The following RAF1 variants were observed in gnomAD, a reference collection of about 807,000 sequenced individuals.
RAF1 encodes the protein Raf-1 proto-oncogene, serine/threonine kinase, also known as RAF proto-oncogene serine/threonine-protein kinase.
Under a neutral mutation model 81.1 loss-of-function variants are expected in RAF1, and 27 were observed. The ratio of observed to expected loss-of-function variants is 0.33; its 90% CI spans 0.25 to 0.46. The LOEUF (loss-of-function observed/expected upper bound fraction) is 0.46. Ranked by LOEUF, RAF1 falls within the 20% of genes least tolerant of loss-of-function variation. RAF1 has a pLI of 1.00. For synonymous variants in RAF1, 298 were observed against 294.0 expected (o/e 1.01, Z -0.14); for missense variants, 598 against 826.0 (o/e 0.72, Z 3.38).
intron 13 of RAF1, chr3:12,588,567 T>C (rs774927643): frequency 1.1e-4 from 16 of 152,168 alleles, no homozygotes; most frequent in Non-Finnish European, 1.8e-4. Flanking sequence ...TAGCCAAACA[T>C]AGAAAAGGCA....
intron 1 of RAF1, among the ~76,000 whole-genome samples, chr3:12,619,596 C>T (rs1428580737): frequency 6.8e-6 from 1 of 146,136 alleles, no homozygotes; most frequent in Non-Finnish European, 1.5e-5. Flanking sequence ...CAACTTGGAA[C>T]ATGAGCCCAG....
In RAF1 at chr3:12,608,763, T is replaced by C. The variant is rs2059116991; in HGVS notation, c.581+3A>G. The C allele has an allele frequency of 6.2e-7, 1 of 1,613,760 alleles. No individual in the cohort carries two copies. Among genetic ancestry groups the C allele is most frequent in the Non-Finnish European group, 8.5e-7 (1 of 1,179,740 alleles). On this transcript the variant is annotated splice_donor_region_variant and intron_variant, in intron 5 of 17. Transcript: ENST00000442415. Reference sequence around the variant, plus strand: ...TTCCTTGGATAAAAGAACAATGCCTTACAAGAGTTGTCTGATGTTACTCCA... The same window carrying C: ...TTCCTTGGATAAAAGAACAATGCCTCACAAGAGTTGTCTGATGTTACTCCA...
intron 2 of RAF1, among the ~76,000 whole-genome samples, chr3:12,612,405 T>A (rs979712852): frequency 7.2e-5 from 11 of 152,030 alleles, no homozygotes; most frequent in Admixed American, 2.0e-4. Context: ...TCTCAGCACT[T>A]TGGGAAGCCG....
At chr3:12,661,304 A>T in intron 1 of RAF1, among the ~76,000 whole-genome samples, 1 of 152,368 alleles carries the variant, frequency 6.6e-6, no homozygotes, top group East Asian at 1.9e-4. Flanking sequence ...TAAATAGTTT[A>T]TAAAATACAC....
intron 1 of RAF1, among the ~76,000 whole-genome samples, chr3:12,663,582 C>T (rs1226172874): frequency 1.3e-5 from 2 of 152,358 alleles, no homozygotes; most frequent in East Asian, 3.9e-4. Context: ...TTCCGCCAAA[C>T]ACAAGGAAAT....
chr3:12,644,445 T>C (rs1187668646), intron 1 of RAF1, among the ~76,000 whole-genome samples: 6 of 152,216 alleles, frequency 3.9e-5, no homozygotes, highest in Admixed American at 6.5e-5. Flanking sequence ...GTGGTAAGAA[T>C]TATCACAATT....
At chr3:12,628,417 C>T (rs2059769339) in intron 1 of RAF1, among the ~76,000 whole-genome samples, 1 of 152,104 alleles carries the variant, frequency 6.6e-6, no homozygotes, top group Non-Finnish European at 1.5e-5. Flanking sequence ...GCCCCAACTA[C>T]TTGGGAGGCT....
At chr3:12,619,891 G>A (rs2059502478) in intron 1 of RAF1, among the ~76,000 whole-genome samples, 1 of 151,886 alleles carries the variant, frequency 6.6e-6, no homozygotes, top group South Asian at 2.1e-4. Context: ...GACCATCCTA[G>A]CTAACACAGG....
intron 2 of RAF1, among the ~76,000 whole-genome samples, chr3:12,617,607 T>A (rs2059410076): frequency 6.6e-6 from 1 of 151,808 alleles, no homozygotes. Flanking sequence ...GTTATCAGGC[T>A]GGGCGTGGTG....
chr3:12,602,954 G>C (rs1020196235), intron 8 of RAF1, among the ~76,000 whole-genome samples: 2 of 152,174 alleles, frequency 1.3e-5, no homozygotes, highest in African/African-American at 4.8e-5. Context: ...TGTATAAACA[G>C]AATACCAATG....
chr3:12,593,737 C>A (rs1241880790), intron 11 of RAF1, among the ~76,000 whole-genome samples: 2 of 151,070 alleles, frequency 1.3e-5, no homozygotes, highest in East Asian at 3.9e-4. Flanking sequence ...GGAGCCAAGA[C>A]AGGAGTGCTG....
chr3:12,644,529 G>C lies in RAF1; in HGVS notation c.-27+19284C>G, dbSNP rs567898924. Among the ~76,000 whole-genome samples, 17 of 152,256 alleles carry C rather than the reference G, an allele frequency of 1.1e-4. No individual in the cohort carries two copies. The East Asian group carries it at 3.1e-3, about 28-fold the overall frequency. On this transcript the variant is annotated intron_variant, in intron 1 of 17. Transcript: ENST00000442415. ...AGTCCTAAAACTTCTGTCCAAAAGA[G>C]AGTCAAGAAGCAGCTGGACAAACTT... is the stretch of plus-strand genomic sequence containing the variant.
chr3:12,640,931 C>G (rs961447089), intron 1 of RAF1, among the ~76,000 whole-genome samples: 1 of 152,016 alleles, frequency 6.6e-6, no homozygotes, highest in Admixed American at 6.6e-5. Context: ...TATTGTGGTA[C>G]TATTCACAAT....
At chr3:12,630,560 A>C (rs960807861) in intron 1 of RAF1, among the ~76,000 whole-genome samples, 3 of 152,210 alleles carry the variant, frequency 2.0e-5, no homozygotes, top group African/African-American at 7.2e-5. Flanking sequence ...CCTGGAAATC[A>C]GTGAGTCTGA....
intron 1 of RAF1, among the ~76,000 whole-genome samples, chr3:12,626,020 CT>C (rs2059691327): frequency 1.3e-5 from 2 of 150,810 alleles, no homozygotes; most frequent in South Asian, 4.2e-4. Flanking sequence ...AATCCCAGCA[CT>C]TTGGGAGGCT....
chr3:12,634,050 A>G (rs1055081029), intron 1 of RAF1, among the ~76,000 whole-genome samples: 1 of 152,074 alleles, frequency 6.6e-6, no homozygotes, highest in African/African-American at 2.4e-5. Context: ...AACTATCTCC[A>G]ATTTACAATA....
At chr3:12,598,748 A>C (rs1047554501) in intron 11 of RAF1, among the ~76,000 whole-genome samples, 9 of 142,210 alleles carry the variant, frequency 6.3e-5, no homozygotes, top group Non-Finnish European at 1.4e-4. Context: ...AAAAAAAAAA[A>C]AAAAACCACC....
At chr3:12,640,565 G>A (rs1378856335) in intron 1 of RAF1, among the ~76,000 whole-genome samples, 2 of 152,160 alleles carry the variant, frequency 1.3e-5, no homozygotes, top group African/African-American at 4.8e-5. Flanking sequence ...CAAAGGATAT[G>A]AACAGACACT....
chr3:12,593,995 T>C (rs1056601220), intron 11 of RAF1, among the ~76,000 whole-genome samples: 5 of 151,838 alleles, frequency 3.3e-5, no homozygotes, highest in Admixed American at 1.3e-4. Flanking sequence ...TTTTAGTAAA[T>C]AGGACAGAGA....
Sources: allele counts gnomAD v4.1 joint callset (sites outside exome capture counted in the v4.1 genomes callset), GRCh38; gene constraint gnomAD v4.1.1; transcripts MANE v1.5; gene names NCBI Gene and HGNC (gene_info 2026-07-23, HGNC 2026-07-21).